GALNTL6: variants seen among roughly 807,000 people sequenced by gnomAD.
The protein encoded by GALNTL6 is polypeptide N-acetylgalactosaminyltransferase-like 6.
GALNTL6 carries 46 observed loss-of-function variants against 73.7 expected under a neutral mutation model. The observed-to-expected ratio is 0.62, with a 90% CI of 0.49 to 0.80. The LOEUF (loss-of-function observed/expected upper bound fraction) is 0.80. Among genes scored for constraint, GALNTL6 ranks in the 30% least tolerant of loss-of-function variants. The pLI is 0.00. For missense variants in GALNTL6, 604 were observed against 755.0 expected (o/e 0.80, Z 2.34); for synonymous variants, 259 against 263.7 (o/e 0.98, Z 0.17).
chr4:171,880,507 A>G (rs1736417845), intron 2 of GALNTL6, among the ~76,000 whole-genome samples: 1 of 152,244 alleles, frequency 6.6e-6, no homozygotes, highest in South Asian at 2.1e-4. Context: ...TGGAGAATAG[A>G]TCACCCAAAG....
chr4:172,959,373 A>T (rs1749924752), intron 10 of GALNTL6, among the ~76,000 whole-genome samples: 1 of 151,880 alleles, frequency 6.6e-6, no homozygotes, highest in Admixed American at 6.5e-5. Context: ...GGGGATAACT[A>T]AAATGAGTGC....
At chr4:171,901,142 T>C (rs187947518) in intron 2 of GALNTL6, among the ~76,000 whole-genome samples, 25 of 152,244 alleles carry the variant, frequency 1.6e-4, no homozygotes, top group African/African-American at 5.3e-4. Flanking sequence ...CTAGGCCTAC[T>C]AAAAGACGGA....
At chr4:172,410,375 A>C (rs758669627) in intron 5 of GALNTL6, among the ~76,000 whole-genome samples, 13 of 152,056 alleles carry the variant, frequency 8.5e-5, no homozygotes, top group Non-Finnish European at 1.5e-4. Flanking sequence ...TTAACACCTG[A>C]ATAGAAATAA....
rs539762898 is a variant in GALNTL6, at chr4:172,649,158, CT to C, written c.554-160195del. Among the ~76,000 whole-genome samples, 144 of 152,144 alleles carry C rather than the reference CT, an allele frequency of 9.5e-4. 1 individual carries two copies. Among genetic ancestry groups the C allele is most frequent in the African/African-American group, 3.1e-3 (130 of 41,516 alleles). The stretch of plus-strand genomic sequence containing the variant: ...TTGCCTTATATTCAAATCCATATGA[CT>C]TTTTTTTATATATTACGAGTCACAT... On this transcript the variant is annotated intron_variant, in intron 5 of 12. Transcript: ENST00000506823.
intron 7 of GALNTL6, among the ~76,000 whole-genome samples, chr4:172,830,349 G>T (rs1015979928): frequency 6.6e-6 from 1 of 152,162 alleles, no homozygotes; most frequent in African/African-American, 2.4e-5. Context: ...TAGAAATCTA[G>T]GCCAGAATGG....
intron 7 of GALNTL6, among the ~76,000 whole-genome samples, chr4:172,838,742 A>T (rs962490413): frequency 6.6e-6 from 1 of 152,216 alleles, no homozygotes; most frequent in African/African-American, 2.4e-5. Context: ...TGATGTATAT[A>T]AATAACTCAT....
At chr4:172,838,262 G>A (rs1224534735) in intron 7 of GALNTL6, among the ~76,000 whole-genome samples, 2 of 152,172 alleles carry the variant, frequency 1.3e-5, no homozygotes, top group Non-Finnish European at 2.9e-5. Flanking sequence ...TTGAAAGGAT[G>A]GGGCATGGGC....
intron 5 of GALNTL6, among the ~76,000 whole-genome samples, chr4:172,538,139 T>C (rs1735413953): frequency 6.6e-6 from 1 of 152,092 alleles, no homozygotes; most frequent in Non-Finnish European, 1.5e-5. Context: ...TACACAGACA[T>C]CAGAGAAGAG....
At chr4:172,165,799 C>T (rs1362365217) in intron 2 of GALNTL6, among the ~76,000 whole-genome samples, 1 of 151,892 alleles carries the variant, frequency 6.6e-6, no homozygotes, top group Non-Finnish European at 1.5e-5. Flanking sequence ...AAAATGTTGC[C>T]AACACAGATA....
At position 172,312,225 on chromosome 4, in the gene GALNTL6, G is replaced by T. The variant is rs1389054826; in HGVS notation, c.386+473G>T. On this transcript the variant is annotated intron_variant, in intron 4 of 12. Transcript: ENST00000506823. ...AATCCAAAAGTGATAAGTAGTGATT[G>T]CTGGTTCAATTTCTTGTCACTTTAT... Among the ~76,000 whole-genome samples, 3 of 152,132 alleles carry T rather than the reference G, an allele frequency of 2.0e-5. No individual in the cohort carries two copies. In the East Asian group the frequency reaches 5.8e-4, roughly 29 times the overall value.
intron 5 of GALNTL6, among the ~76,000 whole-genome samples, chr4:172,442,843 A>G (rs901473824): frequency 6.6e-5 from 10 of 152,106 alleles, no homozygotes; most frequent in Admixed American, 5.3e-4. Context: ...TCAAAATAAC[A>G]TACGTATTTT....
rs115070564 is a variant in GALNTL6 at position 172,929,481 on chromosome 4, C to T, written c.1042-1680C>T. Among the ~76,000 whole-genome samples the T allele has an allele frequency of 4.5e-3, 678 of 152,222 alleles. 7 individuals carry two copies. The highest frequency in any genetic ancestry group is 0.015 in the African/African-American group (636 of 41,520). Reference sequence around the variant, plus strand: ...ATTAATTTTAAGGAATTGGTCCACACGATTGTGGAAGCTTGGTAAGTCCAC... The same window carrying T: ...ATTAATTTTAAGGAATTGGTCCACATGATTGTGGAAGCTTGGTAAGTCCAC... On this transcript the variant is annotated intron_variant, in intron 8 of 12. Transcript: ENST00000506823.
At chr4:173,001,748 A>G (rs1017526564) in intron 10 of GALNTL6, among the ~76,000 whole-genome samples, 27 of 152,382 alleles carry the variant, frequency 1.8e-4, no homozygotes, top group Admixed American at 1.6e-3. Flanking sequence ...CAAATGCTCA[A>G]TAAACAAATG....
chr4:172,449,442 C>T (rs560259510), intron 5 of GALNTL6, among the ~76,000 whole-genome samples: 1 of 152,292 alleles, frequency 6.6e-6, no homozygotes, highest in Admixed American at 6.5e-5. Context: ...TTCTCACCAC[C>T]CCACTGAAAT....
At chr4:173,009,380 G>T (rs749766270) in intron 11 of GALNTL6, 86 bp downstream of exon 11, 2 of 831,548 alleles carry the variant, frequency 2.4e-6, no homozygotes. Context: ...ACAAATCTCC[G>T]AATGGTGCAG....
At chr4:171,920,193 C>T (rs1737744854) in intron 2 of GALNTL6, among the ~76,000 whole-genome samples, 1 of 151,414 alleles carries the variant, frequency 6.6e-6, no homozygotes, top group Non-Finnish European at 1.5e-5. Flanking sequence ...AACACATGGA[C>T]ACAGGAAGGG....
intron 5 of GALNTL6, among the ~76,000 whole-genome samples, chr4:172,619,233 G>A (rs547642313): frequency 2.6e-5 from 4 of 152,060 alleles, no homozygotes; most frequent in South Asian, 2.1e-4. Context: ...ATTCCTACGC[G>A]CCCTTCATCC....
At chr4:172,783,064 T>C (rs938197220) in intron 5 of GALNTL6, among the ~76,000 whole-genome samples, 8 of 151,778 alleles carry the variant, frequency 5.3e-5, no homozygotes, top group African/African-American at 1.9e-4. Context: ...CGTTTCAAGT[T>C]GTTTGCACCA....
intron 10 of GALNTL6, among the ~76,000 whole-genome samples, chr4:172,997,784 G>A (rs1428473307): frequency 2.6e-5 from 4 of 152,146 alleles, no homozygotes; most frequent in East Asian, 1.9e-4. Context: ...GATGGACACC[G>A]TAAATACCCT....
Sources: gnomAD v4.1 joint callset for allele counts (sites outside exome capture counted in the v4.1 genomes callset) on GRCh38, gnomAD v4.1.1 for gene constraint, MANE v1.5 for transcripts, NCBI Gene and HGNC (gene_info 2026-07-23, HGNC 2026-07-21) for gene names.